The following CIB1 variants were observed in gnomAD, a reference collection of about 807,000 sequenced individuals.
CIB1 encodes the protein calcium and integrin-binding protein 1.
Under a neutral mutation model 25.0 loss-of-function variants are expected in CIB1, and 19 were observed. That is an observed-to-expected ratio of 0.76 (90% CI 0.53 to 1.12). CIB1 has a LOEUF of 1.12. CIB1 is among the 50% of genes most tolerant of loss of function. The probability of loss-of-function intolerance (pLI) is 0.00; values close to 1 mark genes in which losing one functional copy is unlikely to be tolerated. For synonymous variants in CIB1, 104 were observed against 98.5 expected (o/e 1.06, Z -0.33); for missense variants, 236 against 242.6 (o/e 0.97, Z 0.18).
chr15:90,254,201 TTAA>T, the CIB1 span, among the ~76,000 whole-genome samples: 1 of 110,642 alleles, frequency 9.0e-6, no homozygotes. Flanking sequence ...TTTTTTTTTT[TTAA>T]AAAAAAAAGG....
At chr15:90,264,030 T>C in the CIB1 span, 12 of 1,535,896 alleles carry the variant, frequency 7.8e-6, no homozygotes, top group Non-Finnish European at 9.6e-6. Flanking sequence ...GGTGCTATTT[T>C]TCCAGTGCCA....
chr15:90,252,098 G>A, the CIB1 span, among the ~76,000 whole-genome samples: 1 of 144,698 alleles, frequency 6.9e-6, no homozygotes, highest in Non-Finnish European at 1.5e-5. Context: ...GGAATGCAAT[G>A]GCGTGATCTC....
the CIB1 span, among the ~76,000 whole-genome samples, chr15:90,252,479 C>T: frequency 6.6e-6 from 1 of 152,346 alleles, no homozygotes; most frequent in South Asian, 2.1e-4. Context: ...CCATGCCAGA[C>T]CCTTCCCAGA....
the CIB1 span, among the ~76,000 whole-genome samples, chr15:90,260,593 C>T: frequency 7.2e-5 from 11 of 152,052 alleles, no homozygotes; most frequent in African/African-American, 2.7e-4. Flanking sequence ...TGACTCAGGC[C>T]TGTAATCTCA....
At chr15:90,261,199 C>T in the CIB1 span, among the ~76,000 whole-genome samples, 2 of 151,274 alleles carry the variant, frequency 1.3e-5, no homozygotes, top group Admixed American at 1.3e-4. Flanking sequence ...CTGCCTCAGC[C>T]TCCCAAGTAG....
chr15:90,239,835 GAATCCCTTGAGCCTGGGAGGTC>G, the CIB1 span, among the ~76,000 whole-genome samples: 1 of 152,236 alleles, frequency 6.6e-6, no homozygotes. Context: ...TGAGGTGAAA[GAATCCCTTGAGCCTGGGAGGTC>G]AAGGCTTCAG....
intron 3 of CIB1, 84 bp downstream of exon 3, chr15:90,232,135 C>G: frequency 9.0e-7 from 1 of 1,113,088 alleles, no homozygotes. Context: ...ACCCCATGAT[C>G]CCAAAGCTAG....
At chr15:90,253,225 C>T in the CIB1 span, 1 of 1,599,240 alleles carries the variant, frequency 6.3e-7, no homozygotes, top group Non-Finnish European at 8.6e-7. Flanking sequence ...CATGCTGGCA[C>T]TACTGATCTC....
At chr15:90,256,243 T>C in the CIB1 span, 1 of 1,613,934 alleles carries the variant, frequency 6.2e-7, no homozygotes, top group Non-Finnish European at 8.5e-7. Flanking sequence ...TTACCCGAAA[T>C]CCCCGGGAGA....
chr15:90,237,829 G>A (rs1962668244), upstream of CIB1, among the ~76,000 whole-genome samples: 1 of 152,120 alleles, frequency 6.6e-6, no homozygotes, highest in Non-Finnish European at 1.5e-5. Flanking sequence ...GCAAGTGCCT[G>A]TGGTCCCAGC....
upstream of CIB1, chr15:90,238,579 C>A (rs1210701382): frequency 6.6e-6 from 1 of 152,176 alleles, no homozygotes; most frequent in Non-Finnish European, 1.5e-5. Context: ...CCTATCTGGG[C>A]CAGTGGCAGA....
chr15:90,239,305 A>ATTG, the CIB1 span, among the ~76,000 whole-genome samples: 1 of 147,874 alleles, frequency 6.8e-6, no homozygotes, highest in African/African-American at 2.5e-5. Context: ...GAGACATAAA[A>ATTG]TGTGTGTGTG....
upstream of CIB1, among the ~76,000 whole-genome samples, chr15:90,237,786 T>G (rs1255543960): frequency 6.6e-6 from 1 of 152,164 alleles, no homozygotes; most frequent in East Asian, 1.9e-4. Context: ...TTCTCTTTTA[T>G]TAGAATAAGA....
chr15:90,250,869 A>C, the CIB1 span: 135 of 1,613,884 alleles, frequency 8.4e-5, no homozygotes, highest in Middle Eastern at 6.7e-4. Flanking sequence ...GGGAGGAGGA[A>C]GAGAAGGCGG....
the CIB1 span, chr15:90,263,247 G>A: frequency 1.8e-6 from 2 of 1,103,228 alleles, no homozygotes; most frequent in Admixed American, 2.9e-5. Context: ...GATGGTATCT[G>A]TCAGTGGAGC....
At chr15:90,265,661 C>G in the CIB1 span, 1 of 1,603,918 alleles carries the variant, frequency 6.2e-7, no homozygotes, top group East Asian at 2.2e-5. Context: ...TCTTACCCGG[C>G]TACTTCCGCT....
At chr15:90,239,990 G>A in the CIB1 span, among the ~76,000 whole-genome samples, 4 of 152,166 alleles carry the variant, frequency 2.6e-5, no homozygotes, top group South Asian at 2.1e-4. Context: ...TTGGGAAGCC[G>A]AGGTGGGTGG....
At chr15:90,250,476 G>A in the CIB1 span, 5,869 of 859,006 alleles carry the variant, frequency 6.8e-3, 263 homozygotes, top group African/African-American at 0.089. Flanking sequence ...CCATTCCTCA[G>A]TGAAACAGTT....
Position 90,230,111 on chromosome 15 carries a change from G to A in CIB1, c.*373C>T, listed in dbSNP as rs1962438043. The A allele has an allele frequency of 1.0e-5, 3 of 288,828 alleles. No homozygotes were observed. The highest frequency in any genetic ancestry group is 8.3e-5 in the South Asian group (2 of 24,210). The allele number at this position is 288,828 out of a possible 1,614,324, so 17.9% of individuals were successfully genotyped here. On this transcript the variant is annotated 3_prime_UTR_variant, in exon 7 of 7. Coordinates refer to ENST00000328649, the MANE Select transcript of CIB1 (RefSeq NM_006384.4). ...CCCCTTCATCCTCACACCCTCCCAC[G>A]GGGACAGCCAGCGTGGGTGCGGCTT...
Sources: allele counts gnomAD v4.1 joint callset (sites outside exome capture counted in the v4.1 genomes callset), GRCh38; gene constraint gnomAD v4.1.1; transcripts MANE v1.5; gene names NCBI Gene and HGNC (gene_info 2026-07-23, HGNC 2026-07-21).